Variants in KALRN observed in about 807,000 individuals in gnomAD.
KALRN encodes kalirin RhoGEF kinase, also known as kalirin.
In KALRN, 70 loss-of-function variants were observed where a neutral mutation model predicts 353.7. That is an observed-to-expected ratio of 0.20 (90% CI 0.16 to 0.24). KALRN has a LOEUF of 0.24. Ranked by LOEUF, KALRN falls within the 10% of genes least tolerant of loss-of-function variation. The pLI, the probability that KALRN is intolerant of heterozygous loss-of-function variation, is 1.00. For missense variants in KALRN, 2,791 were observed against 3,756.7 expected, an observed-to-expected ratio of 0.74 and a Z score of 6.72; for synonymous variants, 1,391 against 1,434.8, an observed-to-expected ratio of 0.97 and a Z score of 0.69.
At chr3:124,155,693 CA>C in intron 1 of KALRN, among the ~76,000 whole-genome samples, 1 of 152,290 alleles carries the variant, frequency 6.6e-6, no homozygotes, top group East Asian at 1.9e-4. Context: ...TACCTACTTT[CA>C]GGTTAAATTC....
chr3:124,152,298 C>A, intron 1 of KALRN: 1 of 1,220,142 alleles, frequency 8.2e-7, no homozygotes, highest in Non-Finnish European at 1.2e-6. Context: ...CAGTCCTCAG[C>A]ATATTAATTG....
At chr3:124,455,110 AG>A in intron 21 of KALRN, 66 bp from the exon 22 acceptor site, 1 of 1,559,556 alleles carries the variant, frequency 6.4e-7, no homozygotes, top group South Asian at 1.2e-5. Flanking sequence ...ACAGGAAGAG[AG>A]GATTTGGGGT....
At chr3:124,036,207 C>G (rs951649176) in intron 1 of KALRN, among the ~76,000 whole-genome samples, 10 of 152,126 alleles carry the variant, frequency 6.6e-5, no homozygotes, top group African/African-American at 2.4e-4. Flanking sequence ...CTGATTTTCT[C>G]TGTCCTCCCA....
At chr3:124,165,679 T>C (rs963138831) in intron 1 of KALRN, among the ~76,000 whole-genome samples, 40 of 152,274 alleles carry the variant, frequency 2.6e-4, no homozygotes, top group African/African-American at 9.2e-4. Flanking sequence ...ATAGCTCCTG[T>C]ACTTTGTAAT....
chr3:124,541,308 G>C (rs1347980994), intron 33 of KALRN, among the ~76,000 whole-genome samples: 1 of 151,498 alleles, frequency 6.6e-6, no homozygotes, highest in Non-Finnish European at 1.5e-5. Context: ...AAATCAGCTA[G>C]GCATGATGGC....
chr3:124,049,870 A>G (rs1055244490), intron 1 of KALRN, among the ~76,000 whole-genome samples: 3 of 152,192 alleles, frequency 2.0e-5, no homozygotes, highest in Non-Finnish European at 4.4e-5. Flanking sequence ...CAAATTTTCT[A>G]AAGTGGAGCC....
At position 124,594,923 on chromosome 3, in the gene KALRN, ATTTTTCTTTCCTTTTTTC is replaced by A. The variant is rs1420854102; in HGVS notation, c.5182+31852_5182+31869del. Among the ~76,000 whole-genome samples, 11 of 151,656 alleles carry A rather than the reference ATTTTTCTTTCCTTTTTTC, an allele frequency of 7.3e-5. No homozygotes were observed. The East Asian group carries it at 7.7e-4, about 11-fold the overall frequency. On this transcript the variant is annotated intron_variant, in intron 34 of 59. Coordinates refer to ENST00000682506, the MANE Select transcript of KALRN (RefSeq NM_001388419.1). ...CTGATGTCACTGAGCAGGTCCAGGG[ATTTTTCTTTCCTTTTTTC>A]TTTTTCTTTCCTTTTTTTAAATTTT...
intron 1 of KALRN, among the ~76,000 whole-genome samples, chr3:124,067,386 A>G (rs988225662): frequency 6.0e-5 from 9 of 150,516 alleles, no homozygotes; most frequent in Non-Finnish European, 1.3e-4. Context: ...TGCTCTACAC[A>G]TAGTTGGTAC....
chr3:124,664,567 C>T (rs9857582), intron 45 of KALRN, among the ~76,000 whole-genome samples: 12,145 of 152,032 alleles, frequency 0.08, 986 homozygotes, highest in African/African-American at 0.21. Flanking sequence ...GGCGCCACCA[C>T]GCCTGGCTAA....
chr3:124,605,179 C>G lies in KALRN; in HGVS notation c.5183-27241C>G, dbSNP rs570611423. Among the ~76,000 whole-genome samples the G allele has an allele frequency of 7.3e-5, 11 of 151,648 alleles. No individual in the cohort carries two copies. In the East Asian group the frequency reaches 1.8e-3, roughly 25 times the overall value. On this transcript the variant is annotated intron_variant, in intron 34 of 59. Coordinates refer to ENST00000682506, the MANE Select transcript of KALRN (RefSeq NM_001388419.1). ...CAGGCTGGTCTTGAACTCCTGGCCT[C>G]AAGGGATCCTCCTGCCTCGGCCTCC... is the stretch of plus-strand genomic sequence containing the variant.
chr3:124,087,452 T>G (rs1416765150), intron 1 of KALRN, among the ~76,000 whole-genome samples: 2 of 152,222 alleles, frequency 1.3e-5, no homozygotes, highest in Non-Finnish European at 2.9e-5. Context: ...ATGCTTTTTG[T>G]CTTCTAGATG....
chr3:124,284,683 T>C (rs2075661736), intron 5 of KALRN, among the ~76,000 whole-genome samples: 1 of 152,208 alleles, frequency 6.6e-6, no homozygotes, highest in Non-Finnish European at 1.5e-5. Context: ...GGAATACGAG[T>C]GCTCAATAAG....
chr3:124,366,779 C>G (rs932585401), intron 10 of KALRN, among the ~76,000 whole-genome samples: 148 of 147,934 alleles, frequency 1.0e-3, no homozygotes, highest in African/African-American at 3.3e-3. Flanking sequence ...CAGTAAGGGC[C>G]GCCGGGCAGA....
chr3:124,155,309 G>C (rs1399742311), intron 1 of KALRN, among the ~76,000 whole-genome samples: 2 of 152,162 alleles, frequency 1.3e-5, no homozygotes, highest in East Asian at 3.9e-4. Context: ...TTTGTCATCA[G>C]TAGACTTGAA....
At chr3:124,160,903 A>G (rs1029330076) in intron 1 of KALRN, among the ~76,000 whole-genome samples, 1 of 151,930 alleles carries the variant, frequency 6.6e-6, no homozygotes, top group African/African-American at 2.4e-5. Flanking sequence ...GCTGTATAAT[A>G]TTGTATCCTG....
At chr3:124,092,987 A>C (rs895103886) in intron 1 of KALRN, among the ~76,000 whole-genome samples, 1 of 152,126 alleles carries the variant, frequency 6.6e-6, no homozygotes, top group African/African-American at 2.4e-5. Context: ...TGTCCATTTA[A>C]GGTAATAAGA....
chr3:124,257,199 A>G (rs555810719), intron 3 of KALRN, among the ~76,000 whole-genome samples: 3 of 152,326 alleles, frequency 2.0e-5, no homozygotes, highest in Non-Finnish European at 4.4e-5. Flanking sequence ...ACTATTTATT[A>G]AATGCATATT....
intron 1 of KALRN, among the ~76,000 whole-genome samples, chr3:124,146,749 T>C (rs1239709282): frequency 1.3e-5 from 2 of 151,648 alleles, no homozygotes; most frequent in Admixed American, 6.6e-5. Flanking sequence ...TGGTGGTGCA[T>C]GCCTGTAATC....
At chr3:124,167,067 TATA>T (rs1471068783) in intron 1 of KALRN, among the ~76,000 whole-genome samples, 1 of 151,970 alleles carries the variant, frequency 6.6e-6, no homozygotes, top group East Asian at 1.9e-4. Flanking sequence ...ATAATGATAT[TATA>T]ATAATAAATT....
Sources: allele counts gnomAD v4.1 joint callset (sites outside exome capture counted in the v4.1 genomes callset), GRCh38; gene constraint gnomAD v4.1.1; transcripts MANE v1.5; gene names NCBI Gene and HGNC (gene_info 2026-07-23, HGNC 2026-07-21).